The following SSU72 variants were observed in gnomAD, a reference collection of about 807,000 sequenced individuals.
The protein encoded by SSU72 is RNA polymerase II subunit A C-terminal domain phosphatase SSU72.
In SSU72, 12 loss-of-function variants were observed where a neutral mutation model predicts 22.7. The ratio of observed to expected loss-of-function variants is 0.53; its 90% CI spans 0.34 to 0.86. The LOEUF is 0.86. Among genes scored for constraint, SSU72 ranks in the 40% least tolerant of loss-of-function variants. The pLI, the probability that SSU72 is intolerant of heterozygous loss-of-function variation, is 0.02. For missense variants in SSU72, 151 were observed against 249.8 expected (o/e 0.60, Z 2.67); for synonymous variants, 116 against 98.3 (o/e 1.18, Z -1.06).
chr1:1,551,632 G>A (rs1160764088), intron 2 of SSU72, among the ~76,000 whole-genome samples: 8 of 152,220 alleles, frequency 5.3e-5, no homozygotes, highest in Non-Finnish European at 1.0e-4. Flanking sequence ...TGCTTCCCGA[G>A]CTCCCATCCT....
intron 1 of SSU72, among the ~76,000 whole-genome samples, chr1:1,565,360 G>A (rs1461664495): frequency 1.3e-5 from 2 of 152,198 alleles, no homozygotes; most frequent in African/African-American, 4.8e-5. Flanking sequence ...GCGACAGGCT[G>A]TAGCAAGTTA....
chr1:1,559,405 C>T (rs1002933416), intron 2 of SSU72, among the ~76,000 whole-genome samples: 4 of 152,152 alleles, frequency 2.6e-5, no homozygotes, highest in Admixed American at 6.5e-5. Flanking sequence ...GTCCTGAAAC[C>T]CACAGAACTG....
At chr1:1,547,424 G>A (rs1308472785) in intron 2 of SSU72, among the ~76,000 whole-genome samples, 1 of 152,252 alleles carries the variant, frequency 6.6e-6, no homozygotes, top group Non-Finnish European at 1.5e-5. Context: ...CAAAGCAGCA[G>A]CCTCCTCAGC....
At chr1:1,569,872 C>CT (rs1219926391) in intron 1 of SSU72, among the ~76,000 whole-genome samples, 1 of 152,222 alleles carries the variant, frequency 6.6e-6, no homozygotes, top group African/African-American at 2.4e-5. Flanking sequence ...ACTACAATTC[C>CT]TTCTGACAAT....
At position 1,574,483 on chromosome 1, in the gene SSU72, G is replaced by A. The variant is rs776797983; in HGVS notation, c.75C>T (p.Ile25=). 1.2e-5 allele frequency: 19 copies of A among 1,595,712 alleles called. No homozygotes were observed. Among genetic ancestry groups the A allele is most frequent in the East Asian group, 2.4e-5 (1 of 41,908 alleles). The change falls in exon 1 of 5, where the codon ATC becomes ATT. Residue 25 remains isoleucine, a synonymous_variant. Transcript: ENST00000291386. ...NQNRSMEAHN[I]LSKRGFSVRS... ...ACAGGGTGGAGCCCAACTACCTGAG[G>A]ATGTTGTGCGCCTCCATGCTCCGGT...
At chr1:1,566,767 T>G (rs1032013959) in intron 1 of SSU72, among the ~76,000 whole-genome samples, 50 of 151,414 alleles carry the variant, frequency 3.3e-4, no homozygotes, top group African/African-American at 1.1e-3. Flanking sequence ...GGCAGGAGAA[T>G]GACTTGAATC....
intron 2 of SSU72, among the ~76,000 whole-genome samples, chr1:1,560,587 G>C (rs1642576926): frequency 6.6e-6 from 1 of 152,214 alleles, no homozygotes. Context: ...CAGCCATCTA[G>C]AGCCAAATAC....
chr1:1,557,848 G>A (rs1284768377), intron 2 of SSU72, among the ~76,000 whole-genome samples: 1 of 152,090 alleles, frequency 6.6e-6, no homozygotes. Flanking sequence ...TGTCCACAGG[G>A]AAGTGGCCAC....
At chr1:1,571,618 A>C (rs1642732482) in intron 1 of SSU72, among the ~76,000 whole-genome samples, 1 of 152,142 alleles carries the variant, frequency 6.6e-6, no homozygotes, top group Admixed American at 6.6e-5. Flanking sequence ...AGAATTCATT[A>C]TTCAGAGGTG....
intron 2 of SSU72, among the ~76,000 whole-genome samples, chr1:1,552,660 G>A (rs1642467332): frequency 6.6e-6 from 1 of 152,208 alleles, no homozygotes; most frequent in Admixed American, 6.5e-5. Context: ...AAACCCAACA[G>A]ACGGCAAGAT....
chr1:1,564,685 G>C, intron 2 of SSU72, 88 bp downstream of exon 2: 1 of 1,614,108 alleles, frequency 6.2e-7, no homozygotes, highest in Non-Finnish European at 8.5e-7. Flanking sequence ...ACTGCACAGG[G>C]TGACACGCCT....
intron 1 of SSU72, among the ~76,000 whole-genome samples, chr1:1,572,406 C>G (rs1642742213): frequency 6.7e-6 from 1 of 149,054 alleles, no homozygotes. Context: ...CCAGCCTGGG[C>G]TACAGACTCC....
chr1:1,558,215 A>AAAAAAT (rs1642544190), intron 2 of SSU72, among the ~76,000 whole-genome samples: 1 of 151,510 alleles, frequency 6.6e-6, no homozygotes, highest in South Asian at 2.1e-4. Context: ...AAAAAAAAAA[A>AAAAAAT]AAAAAGCTGG....
At chr1:1,552,192 C>G (rs1642463053) in intron 2 of SSU72, among the ~76,000 whole-genome samples, 1 of 152,204 alleles carries the variant, frequency 6.6e-6, no homozygotes, top group Non-Finnish European at 1.5e-5. Flanking sequence ...AAGCCCTCTG[C>G]TTGCTCAACG....
chr1:1,564,418 G>A, intron 2 of SSU72: 1 of 1,436,140 alleles, frequency 7.0e-7, no homozygotes, highest in Non-Finnish European at 9.1e-7. Context: ...ACACCAACCT[G>A]CAAAGGAAAT....
rs1047350755 is a variant in SSU72 at position 1,541,748 on chromosome 1, C to T, written c.*318G>A. ...CAGCAGGGCTCTGTACAGTCCGGCC[C>T]GGTGGGGAGGAGGGAGGGAAGGCAG... On this transcript the variant is annotated 3_prime_UTR_variant, in exon 5 of 5. Transcript: ENST00000291386. 9.2e-5 allele frequency: 35 copies of T among 380,168 alleles called. No homozygotes were observed. Among genetic ancestry groups the T allele is most frequent in the Non-Finnish European group, 1.4e-4 (28 of 199,500 alleles). The allele number at this position is 380,168 out of a possible 1,614,324, so 23.5% of individuals were successfully genotyped here.
intron 2 of SSU72, among the ~76,000 whole-genome samples, chr1:1,555,140 A>C (rs1642505524): frequency 6.6e-6 from 1 of 152,136 alleles, no homozygotes; most frequent in Non-Finnish European, 1.5e-5. Flanking sequence ...GCAGAGCCTG[A>C]CAGCCATGCC....
intron 2 of SSU72, chr1:1,564,410 A>G: frequency 1.4e-6 from 2 of 1,426,742 alleles, no homozygotes; most frequent in Non-Finnish European, 9.2e-7. Context: ...ACGCACGCAC[A>G]CCAACCTGCA....
rs551250264 is a variant in SSU72, at chr1:1,558,828, C to T, written c.224+5945G>A. ...GGGCCAGCGGCTGTTGCCTGGACCC[C>T]CTCACTGGGCTGAGTGACACTTCAC... On this transcript the variant is annotated intron_variant, in intron 2 of 4. Transcript: ENST00000291386. Among the ~76,000 whole-genome samples the T allele has an allele frequency of 9.2e-5, 14 of 152,304 alleles. 1 individual carries two copies. In the South Asian group the frequency reaches 2.9e-3, roughly 32 times the overall value.
Sources: gnomAD v4.1 joint callset for allele counts (sites outside exome capture counted in the v4.1 genomes callset) on GRCh38, gnomAD v4.1.1 for gene constraint, MANE v1.5 for transcripts, NCBI Gene and HGNC (gene_info 2026-07-23, HGNC 2026-07-21) for gene names.